Variants in PIEZO2 observed in about 807,000 individuals in gnomAD.
The protein encoded by PIEZO2 is piezo type mechanosensitive ion channel component 2.
Under a neutral mutation model 337.3 loss-of-function variants are expected in PIEZO2, and 172 were observed. The ratio of observed to expected loss-of-function variants is 0.51; its 90% CI spans 0.45 to 0.58. The LOEUF (loss-of-function observed/expected upper bound fraction) is 0.58, where lower values mean the gene tolerates loss of function less well. PIEZO2 is among the 20% of genes least tolerant of loss of function. The probability of loss-of-function intolerance (pLI) is 0.00; values close to 1 mark genes in which losing one functional copy is unlikely to be tolerated. For missense variants in PIEZO2, 3,028 were observed against 3,391.3 expected, an observed-to-expected ratio of 0.89 and a Z score of 2.66; for synonymous variants, 1,251 against 1,228.5, an observed-to-expected ratio of 1.02 and a Z score of -0.38.
intron 5 of PIEZO2, among the ~76,000 whole-genome samples, chr18:10,869,384 T>A (rs767684475): frequency 2.0e-5 from 3 of 152,190 alleles, no homozygotes; most frequent in Non-Finnish European, 4.4e-5. Context: ...GGTTGTTGGT[T>A]GCAGCAAACC....
rs8092379 is a variant in PIEZO2, at chr18:10,895,715, T to A, written c.329+15471A>T. Among the ~76,000 whole-genome samples, 1 of 152,128 alleles carries A rather than the reference T, an allele frequency of 6.6e-6. No individual in the cohort carries two copies. The highest frequency in any genetic ancestry group is 1.5e-5 in the Non-Finnish European group (1 of 68,032). On this transcript the variant is annotated intron_variant, in intron 4 of 55. Transcript: ENST00000674853. The surrounding 1 kb of genome is among the most constrained non-coding windows in gnomAD (Gnocchi z 4.8). ...CACATTTCATCTCTACCCAATGGAC[T>A]ACCAGCAACAGGTGTAATGGGTGCT...
rs1183027803 is a variant in PIEZO2 at position 10,819,992 on chromosome 18, T to C, written c.918-12718A>G. Among the ~76,000 whole-genome samples, 1 of 152,328 alleles carries C rather than the reference T, an allele frequency of 6.6e-6. No homozygotes were observed. The highest frequency in any genetic ancestry group is 1.9e-4 in the East Asian group (1 of 5,184). On this transcript the variant is annotated intron_variant, in intron 7 of 55. Coordinates refer to ENST00000674853, the MANE Select transcript of PIEZO2 (RefSeq NM_001378183.1). The surrounding 1 kb of genome is among the most constrained non-coding windows in gnomAD (Gnocchi z 4.3). ...CTTTGAGAAGCAACTTTAATAATGTTATCCTATTGCTTTTTGAATGGCATT... is the reference window on the plus strand; with the variant it reads ...CTTTGAGAAGCAACTTTAATAATGTCATCCTATTGCTTTTTGAATGGCATT...
chr18:10,922,836 C>T (rs888855459), intron 3 of PIEZO2, among the ~76,000 whole-genome samples: 4 of 152,090 alleles, frequency 2.6e-5, no homozygotes, highest in African/African-American at 9.7e-5. Context: ...CTATAACATA[C>T]AGAACACCAA....
At chr18:10,740,101 C>T (rs895872182) in intron 33 of PIEZO2, 3 of 132,160 alleles carry the variant, frequency 2.3e-5, no homozygotes, top group Non-Finnish European at 3.3e-5. Flanking sequence ...AGACTGAAGA[C>T]GACATTATAC....
chr18:11,087,549 C>T (rs1266195336), intron 1 of PIEZO2, among the ~76,000 whole-genome samples: 2 of 152,180 alleles, frequency 1.3e-5, no homozygotes, highest in Admixed American at 6.5e-5. Flanking sequence ...CCTCAATGTC[C>T]AGTGGGAAGA....
At chr18:10,839,777 A>ATT (rs35379345) in intron 7 of PIEZO2, among the ~76,000 whole-genome samples, 8,823 of 151,750 alleles carry the variant, frequency 0.058, 353 homozygotes, top group Non-Finnish European at 0.084. Flanking sequence ...AAGGAGTATC[A>ATT]TTTTTTTTTA....
At chr18:10,701,497 C>T (rs1430179143) in intron 43 of PIEZO2, among the ~76,000 whole-genome samples, 1 of 152,204 alleles carries the variant, frequency 6.6e-6, no homozygotes, top group African/African-American at 2.4e-5. Context: ...TCACCAACAG[C>T]TAGTGGTTTC....
At chr18:11,141,873 C>G (rs2040658961) in intron 1 of PIEZO2, among the ~76,000 whole-genome samples, 1 of 152,032 alleles carries the variant, frequency 6.6e-6, no homozygotes, top group Non-Finnish European at 1.5e-5. Context: ...AGAAGCTTCC[C>G]CCTCCAGGTG....
At position 10,886,378 on chromosome 18, in the gene PIEZO2, GTGTATATATATATATATATATA is replaced by G. The variant is rs1351688282; in HGVS notation, c.330-14985_330-14964del. ...CACACACACATATATATGTGTGTGT[GTGTATATATATATATATATATA>G]TATATATATATATATATATATATGT... On this transcript the variant is annotated intron_variant, in intron 4 of 55. Transcript: ENST00000674853. Among the ~76,000 whole-genome samples, 4 of 3,180 alleles carry G rather than the reference GTGTATATATATATATATATATA, an allele frequency of 1.3e-3. 2 individuals are homozygous for G. Among genetic ancestry groups the G allele is most frequent in the African/African-American group, 3.6e-3 (2 of 548 alleles). 2.1% of individuals were successfully genotyped at this position (3,180 alleles called of 152,430 possible). A position where few individuals can be genotyped will look rare whatever the true frequency, so the allele number is the denominator to read the frequency against.
intron 1 of PIEZO2, among the ~76,000 whole-genome samples, chr18:11,117,866 A>T (rs1209099734): frequency 6.6e-6 from 1 of 152,242 alleles, no homozygotes; most frequent in Non-Finnish European, 1.5e-5. Context: ...TTCCTCAAGG[A>T]CATTCACACT....
At chr18:10,926,213 G>C (rs556158556) in intron 3 of PIEZO2, among the ~76,000 whole-genome samples, 1 of 152,170 alleles carries the variant, frequency 6.6e-6, no homozygotes, top group Admixed American at 6.5e-5. Context: ...GACCACTGCC[G>C]GGGGAGACCG....
At chr18:10,809,311 G>T (rs1341208816) in intron 7 of PIEZO2, among the ~76,000 whole-genome samples, 1 of 113,000 alleles carries the variant, frequency 8.8e-6, no homozygotes, top group Admixed American at 1.4e-4. Context: ...TCACTCCGTC[G>T]CCAGGCTGGA....
rs1598599982 is a variant in PIEZO2, at chr18:10,863,308, A to G, written c.493-6097T>C. Among the ~76,000 whole-genome samples the G allele has an allele frequency of 1.3e-5, 2 of 152,208 alleles. No individual in the cohort carries two copies. Among genetic ancestry groups the G allele is most frequent in the African/African-American group, 4.8e-5 (2 of 41,450 alleles). On this transcript the variant is annotated intron_variant, in intron 5 of 55. Transcript: ENST00000674853. This position sits in a 1 kb window ranked among gnomAD's most constrained non-coding sequence, Gnocchi z 4.3. ...AAAAAGATAGATGTGTTTGAATGCT[A>G]TTGTGTGTACCTTATGCAAGCCTAA...
chr18:10,726,841 C>A lies in PIEZO2; in HGVS notation c.5029+4566G>T. The A allele has an allele frequency of 6.3e-7, 1 of 1,584,702 alleles. No individual in the cohort carries two copies. Among genetic ancestry groups the A allele is most frequent in the East Asian group, 2.2e-5 (1 of 44,490 alleles). ...GCTGGATAATACCCGGATGCCCCAC[C>A]TTATGCAGGACTTGGCACGCTACCG... is the stretch of plus-strand genomic sequence containing the variant. On this transcript the variant is annotated intron_variant, in intron 36 of 55. Transcript: ENST00000674853. This position sits in a 1 kb window ranked among gnomAD's most constrained non-coding sequence, Gnocchi z 5.9.
chr18:10,906,696 G>A (rs2029961171), intron 4 of PIEZO2, among the ~76,000 whole-genome samples: 1 of 152,080 alleles, frequency 6.6e-6, no homozygotes, highest in Non-Finnish European at 1.5e-5. Flanking sequence ...GAGTAGTTGG[G>A]ACTACAGGCA....
At chr18:10,743,167 T>G (rs961110980) in intron 31 of PIEZO2, among the ~76,000 whole-genome samples, 2 of 152,212 alleles carry the variant, frequency 1.3e-5, no homozygotes, top group Admixed American at 6.5e-5. Flanking sequence ...TGCATTTACA[T>G]TATAATTTTT....
chr18:10,787,277 ATACATT>A, intron 15 of PIEZO2, 93 bp from the exon 16 acceptor site: 3 of 1,175,098 alleles, frequency 2.6e-6, no homozygotes, highest in Non-Finnish European at 3.5e-6. Context: ...AAGACAAGTG[ATACATT>A]TACAAGTGTC....
chr18:11,103,511 G>T (rs1001541305), intron 1 of PIEZO2, among the ~76,000 whole-genome samples: 1 of 152,196 alleles, frequency 6.6e-6, no homozygotes, highest in Non-Finnish European at 1.5e-5. Context: ...TGCTCTGTGT[G>T]ATTTCAGTTT....
rs1659500982 is a variant in PIEZO2 at position 11,125,278 on chromosome 18, T to C, written c.64+23247A>G. Among the ~76,000 whole-genome samples, 1 of 152,166 alleles carries C rather than the reference T, an allele frequency of 6.6e-6. No homozygotes were observed. Among genetic ancestry groups the C allele is most frequent in the African/African-American group, 2.4e-5 (1 of 41,434 alleles). ...TCTTGAGCTGATAATTCAAAAAGTA[T>C]GCGAATATGTTTTAAAAACTACGAT... On this transcript the variant is annotated intron_variant, in intron 1 of 55. Coordinates refer to ENST00000674853, the MANE Select transcript of PIEZO2 (RefSeq NM_001378183.1). The surrounding 1 kb of genome is among the most constrained non-coding windows in gnomAD (Gnocchi z 4.4).
Sources: gnomAD v4.1 joint callset for allele counts (sites outside exome capture counted in the v4.1 genomes callset) on GRCh38, gnomAD v4.1.1 for gene constraint, Gnocchi (gnomAD v3.1) non-coding constraint, MANE v1.5 for transcripts, NCBI Gene and HGNC (gene_info 2026-07-23, HGNC 2026-07-21) for gene names.